Variants in DOLPP1 observed in about 807,000 individuals in gnomAD.
DOLPP1 encodes the protein dolichyl pyrophosphate phosphatase 1.
A neutral mutation model predicts 34.1 loss-of-function variants in DOLPP1; 15 were observed. The ratio of observed to expected loss-of-function variants is 0.44; its 90% CI spans 0.29 to 0.68. DOLPP1 has a LOEUF of 0.68. Among genes scored for constraint, DOLPP1 ranks in the 30% least tolerant of loss-of-function variants. The probability of loss-of-function intolerance (pLI) is 0.12; values close to 1 mark genes in which losing one functional copy is unlikely to be tolerated. For missense variants in DOLPP1, 249 were observed against 307.1 expected, an observed-to-expected ratio of 0.81 and a Z score of 1.41; for synonymous variants, 130 against 128.2, an observed-to-expected ratio of 1.01 and a Z score of -0.10.
In DOLPP1 at chr9:129,089,887, G is replaced by A. The variant is rs779462619; in HGVS notation, c.*880G>A. On this transcript the variant is annotated 3_prime_UTR_variant, in exon 8 of 8. Transcript: ENST00000372546. The surrounding 1 kb of genome is among the most constrained non-coding windows in gnomAD (Gnocchi z 4.9). ...AGGAGTGAGGCAACAGGCACCCGAA[G>A]TCCCTCGTCCTTCCCTCTGTGTGCT... 14 of 152,498 alleles carry A rather than the reference G, an allele frequency of 9.2e-5. No homozygotes were observed. Among genetic ancestry groups the A allele is most frequent in the Non-Finnish European group, 1.8e-4 (12 of 68,078 alleles). The allele number at this position is 152,498 out of a possible 1,614,324, so 9.4% of individuals were successfully genotyped here. A position where few individuals can be genotyped will look rare whatever the true frequency, so the allele number is the denominator to read the frequency against.
chr9:129,084,196 T>C (rs1337224775), intron 1 of DOLPP1, among the ~76,000 whole-genome samples: 2 of 152,118 alleles, frequency 1.3e-5, no homozygotes, highest in African/African-American at 2.4e-5. Flanking sequence ...AGCACAACAG[T>C]GTGTGGCTCT....
rs956055904 is a variant in DOLPP1, at chr9:129,089,128, C to CT, written c.*130dup. 1.8e-3 allele frequency: 1,629 copies of CT among 899,232 alleles called. 1 individual carries two copies. The highest frequency in any genetic ancestry group is 1.7e-3 in the Non-Finnish European group (980 of 587,638). The allele number at this position is 899,232 out of a possible 1,614,324, so 55.7% of individuals were successfully genotyped here. On this transcript the variant is annotated 3_prime_UTR_variant, in exon 8 of 8. Transcript: ENST00000372546. The surrounding 1 kb of genome is among the most constrained non-coding windows in gnomAD (Gnocchi z 4.9). ...ACAGACCCAAGTCACCAAGTGGAGC[C>CT]TTTTTTTTTCTTATTTTAATTTTAA...
At chr9:129,087,428 GCC>G (rs1847011463) in intron 7 of DOLPP1, among the ~76,000 whole-genome samples, 2 of 150,120 alleles carry the variant, frequency 1.3e-5, no homozygotes, top group African/African-American at 2.5e-5. Context: ...CCATTCTCCT[GCC>G]TCAGCCTCCC....
intron 1 of DOLPP1, 126 bp downstream of exon 1, chr9:129,081,333 A>G (rs1846883488): frequency 8.4e-7 from 1 of 1,196,994 alleles, no homozygotes. Context: ...CAAATAGTGA[A>G]CCACGGAGGG....
intron 7 of DOLPP1, among the ~76,000 whole-genome samples, chr9:129,087,376 C>T (rs1308881015): frequency 2.8e-5 from 4 of 145,414 alleles, no homozygotes; most frequent in Non-Finnish European, 6.0e-5. Context: ...AGTGCAGTGG[C>T]GCGATCTCGG....
chr9:129,081,287 G>C, intron 1 of DOLPP1, 80 bp downstream of exon 1: 3 of 1,542,054 alleles, frequency 1.9e-6, no homozygotes, highest in Non-Finnish European at 2.6e-6. Flanking sequence ...GCTCGAGCCC[G>C]CGGAGGGGGC....
In DOLPP1 at chr9:129,085,504, G is replaced by A; in HGVS notation, c.363-14G>A. The A allele has an allele frequency of 6.2e-7, 1 of 1,612,286 alleles. No homozygotes were observed. Among genetic ancestry groups the A allele is most frequent in the Non-Finnish European group, 8.5e-7 (1 of 1,179,060 alleles). ...GCTGTGGGCTGAGGTCATCTGGTGGGCCTGTTTTCGCAGAATGCACCAAAC... is the reference window on the plus strand; with the variant it reads ...GCTGTGGGCTGAGGTCATCTGGTGGACCTGTTTTCGCAGAATGCACCAAAC... On this transcript the variant is annotated splice_polypyrimidine_tract_variant and intron_variant, in intron 4 of 7. Coordinates refer to ENST00000372546, the MANE Select transcript of DOLPP1 (RefSeq NM_020438.5). The surrounding 1 kb of genome is among the most constrained non-coding windows in gnomAD (Gnocchi z 7.0).
intron 7 of DOLPP1, among the ~76,000 whole-genome samples, chr9:129,087,214 G>A (rs933520442): frequency 5.3e-5 from 8 of 152,198 alleles, no homozygotes; most frequent in Non-Finnish European, 1.0e-4. Flanking sequence ...CAGCAAGTCA[G>A]GACAGAGCTG....
At chr9:129,083,980 C>T (rs1201650688) in intron 1 of DOLPP1, among the ~76,000 whole-genome samples, 3 of 152,254 alleles carry the variant, frequency 2.0e-5, no homozygotes, top group African/African-American at 7.2e-5. Flanking sequence ...TGTTCCTCTG[C>T]TGCCTCCATC....
intron 7 of DOLPP1, 71 bp downstream of exon 7, chr9:129,086,869 C>A: frequency 7.4e-7 from 1 of 1,353,420 alleles, no homozygotes; most frequent in Non-Finnish European, 1.1e-6. Context: ...TTGGAGGGCT[C>A]TCCGGGAGCC....
At position 129,085,277 on chromosome 9, in the gene DOLPP1, C is replaced by A. The variant is rs764793219; in HGVS notation, c.333C>A (p.Ser111=). ...SSHSQFMWFF[S]VYSFLFLYLR... is the part of the protein sequence containing the mutation. ...ATTCCCAGTTTATGTGGTTCTTCTC[C>A]GTCTATTCCTTCCTTTTCCTGTATT... The change falls in exon 4 of 8, where the codon TCC becomes TCA. Residue 111 remains serine (S), a synonymous_variant. Transcript: ENST00000372546. The surrounding 1 kb of genome is among the most constrained non-coding windows in gnomAD (Gnocchi z 7.0). 6.2e-6 allele frequency: 10 copies of A among 1,614,074 alleles called. No homozygotes were observed. The highest frequency in any genetic ancestry group is 8.5e-6 in the Non-Finnish European group (10 of 1,179,990).
Position 129,084,728 on chromosome 9 carries a change from G to A in DOLPP1, c.137G>A (p.Gly46Asp). Residue 46 changes from glycine to aspartate, a missense_variant, in exon 2 of 8, where the codon GGT becomes GAT. By Grantham distance (94) the Gly-to-Asp change is moderately conservative (BLOSUM62 -1). Coordinates refer to ENST00000372546, the MANE Select transcript of DOLPP1 (RefSeq NM_020438.5). ...LSLSPVFVIV[G>D]FVTLIIFKRE... ...CTCAGCCCTGTATTTGTCATCGTCG[G>A]TTTCGTGACCCTCATCATATTTAAG... 6.2e-7 allele frequency: 1 copy of A among 1,614,010 alleles called. No individual in the cohort carries two copies. Among genetic ancestry groups the A allele is most frequent in the Non-Finnish European group, 8.5e-7 (1 of 1,179,918 alleles).
chr9:129,087,969 T>C (rs1847024498), intron 7 of DOLPP1, among the ~76,000 whole-genome samples: 1 of 151,628 alleles, frequency 6.6e-6, no homozygotes. Context: ...GCACACCTGT[T>C]CTGTGCCAGG....
At position 129,086,210 on chromosome 9, in the gene DOLPP1, C is replaced by T; in HGVS notation, c.533C>T (p.Ala178Val). ...ATCGCTGGAGGCCTCATGGCCATCGCCTGGTTCATCTTCACCCAGGAGGTC... is the reference window on the plus strand; with the variant it reads ...ATCGCTGGAGGCCTCATGGCCATCGTCTGGTTCATCTTCACCCAGGAGGTC... ...GGIAGGLMAI[A>V]WFIFTQEVLT... The change falls in exon 6 of 8, where the codon GCC (alanine) becomes GTC (valine). Residue 178 changes from alanine (A) to valine (V), a missense_variant. Physicochemically the swap from Ala to Val is moderately conservative, Grantham distance 64. Coordinates refer to ENST00000372546, the MANE Select transcript of DOLPP1 (RefSeq NM_020438.5). 6.2e-7 allele frequency: 1 copy of T among 1,613,644 alleles called. No individual in the cohort carries two copies. Among genetic ancestry groups the T allele is most frequent in the Non-Finnish European group, 8.5e-7 (1 of 1,180,004 alleles).
Position 129,081,202 on chromosome 9 carries a change from C to G in DOLPP1, c.71C>G (p.Pro24Arg), listed in dbSNP as rs1322281585. 11 of 1,610,064 alleles carry G rather than the reference C, an allele frequency of 6.8e-6. No homozygotes were observed. The highest frequency in any genetic ancestry group is 9.3e-6 in the Non-Finnish European group (11 of 1,179,586). ...RPVTLTHVEY[P>R]AGDLSGHLLA... Reference sequence around the variant, plus strand: ...GTGACCCTCACCCACGTCGAATATCCTGCAGGTAAAAGGCGGTCCCGGCTC... The same window carrying G: ...GTGACCCTCACCCACGTCGAATATCGTGCAGGTAAAAGGCGGTCCCGGCTC... The change falls in exon 1 of 8, where the codon CCT becomes CGT. Residue 24 changes from proline to arginine, a missense_variant. Pro to Arg is a moderately radical substitution (Grantham distance 103). Coordinates refer to ENST00000372546, the MANE Select transcript of DOLPP1 (RefSeq NM_020438.5).
rs1846971724 is a variant in DOLPP1 at position 129,085,486 on chromosome 9, G to T, written c.363-32G>T. On this transcript the variant is annotated intron_variant, in intron 4 of 7. Coordinates refer to ENST00000372546, the MANE Select transcript of DOLPP1 (RefSeq NM_020438.5). This position sits in a 1 kb window ranked among gnomAD's most constrained non-coding sequence, Gnocchi z 7.0. Reference sequence around the variant, plus strand: ...TTGGGAGGCCTGGGCTGGGCTGTGGGCTGAGGTCATCTGGTGGGCCTGTTT... The same window carrying T: ...TTGGGAGGCCTGGGCTGGGCTGTGGTCTGAGGTCATCTGGTGGGCCTGTTT... The T allele has an allele frequency of 6.2e-7, 1 of 1,606,504 alleles. No homozygotes were observed. Among genetic ancestry groups the T allele is most frequent in the South Asian group, 1.1e-5 (1 of 90,494 alleles).
chr9:129,089,020 G>T lies in DOLPP1; in HGVS notation c.*13G>T. 6.2e-7 allele frequency: 1 copy of T among 1,613,682 alleles called. No homozygotes were observed. Among genetic ancestry groups the T allele is most frequent in the Non-Finnish European group, 8.5e-7 (1 of 1,179,848 alleles). On this transcript the variant is annotated 3_prime_UTR_variant, in exon 8 of 8. Coordinates refer to ENST00000372546, the MANE Select transcript of DOLPP1 (RefSeq NM_020438.5). This position sits in a 1 kb window ranked among gnomAD's most constrained non-coding sequence, Gnocchi z 4.9. ...GAAACTGCAGTGACCAGTGGGTGTG[G>T]CTGGGTCCAGCCTCCAGATCTGGCC...
rs1847056165 is a variant in DOLPP1, at chr9:129,089,487, C to T, written c.*480C>T. On this transcript the variant is annotated 3_prime_UTR_variant, in exon 8 of 8. Coordinates refer to ENST00000372546, the MANE Select transcript of DOLPP1 (RefSeq NM_020438.5). The surrounding 1 kb of genome is among the most constrained non-coding windows in gnomAD (Gnocchi z 4.9). The stretch of plus-strand genomic sequence containing the variant: ...CCGGTCAGCTTCCCAGGCCCTTCGC[C>T]CTATGCCCAGAGGGCAGACTGCCTC... The T allele has an allele frequency of 1.3e-5, 2 of 157,220 alleles. No homozygotes were observed. Among genetic ancestry groups the T allele is most frequent in the Non-Finnish European group, 2.8e-5 (2 of 70,712 alleles). The allele number at this position is 157,220 out of a possible 1,614,324, so 9.7% of individuals were successfully genotyped here. A position where few individuals can be genotyped will look rare whatever the true frequency, so the allele number is the denominator to read the frequency against.
Position 129,089,108 on chromosome 9 carries a change from CCCAAGTCA to C in DOLPP1, c.*108_*115del. 8.2e-7 allele frequency: 1 copy of C among 1,223,822 alleles called. No individual in the cohort carries two copies. The highest frequency in any genetic ancestry group is 1.3e-5 in the South Asian group (1 of 78,020). The allele number at this position is 1,223,822 out of a possible 1,614,324, so 75.8% of individuals were successfully genotyped here. On this transcript the variant is annotated 3_prime_UTR_variant, in exon 8 of 8. Transcript: ENST00000372546. The surrounding 1 kb of genome is among the most constrained non-coding windows in gnomAD (Gnocchi z 4.9). Reference sequence around the variant, plus strand: ...GGGACGAAGCAGAGACCTCTACAGACCCAAGTCACCAAGTGGAGCCTTTTTTTTTCTTA... The same window carrying C: ...GGGACGAAGCAGAGACCTCTACAGACCCAAGTGGAGCCTTTTTTTTTCTTA...
Sources: gnomAD v4.1 joint callset for allele counts (sites outside exome capture counted in the v4.1 genomes callset) on GRCh38, gnomAD v4.1.1 for gene constraint, Gnocchi (gnomAD v3.1) non-coding constraint, MANE v1.5 for transcripts, NCBI Gene and HGNC (gene_info 2026-07-23, HGNC 2026-07-21) for gene names.